The following UFSP2 variants were observed in gnomAD, a reference collection of about 807,000 sequenced individuals.
UFSP2 encodes ufm1-specific protease 2.
UFSP2 carries 43 observed loss-of-function variants against 60.2 expected under a neutral mutation model. The observed-to-expected ratio is 0.71, with a 90% confidence interval of 0.56 to 0.92. The LOEUF is 0.92. UFSP2 is among the 40% of genes least tolerant of loss of function. UFSP2 has a pLI of 0.00. For synonymous variants in UFSP2, 183 were observed against 195.1 expected (o/e 0.94, Z 0.52); for missense variants, 520 against 575.0 (o/e 0.90, Z 0.98).
chr4:185,415,456 G>T, intron 5 of UFSP2, 109 bp from the exon 6 acceptor site: 1 of 974,094 alleles, frequency 1.0e-6, no homozygotes, highest in Non-Finnish European at 1.4e-6. Flanking sequence ...ATTGGACCAG[G>T]TTTGCTAAAG....
chr4:185,403,548 C>G lies in UFSP2; in HGVS notation c.1269G>C (p.Leu423=), dbSNP rs2095515827. 1 of 1,614,110 alleles carries G rather than the reference C, an allele frequency of 6.2e-7. No homozygotes were observed. Among genetic ancestry groups the G allele is most frequent in the Non-Finnish European group, 8.5e-7 (1 of 1,180,018 alleles). ...WNEITGQIKF[L]ILDPHYTGAE... Reference sequence around the variant, plus strand: ...CACCGGTATAATGTGGATCTAGAATCAGAAACTTTATCTGCCCTGTAATCT... The same window carrying G: ...CACCGGTATAATGTGGATCTAGAATGAGAAACTTTATCTGCCCTGTAATCT... The change falls in exon 11 of 12, where the codon CTG becomes CTC. Residue 423 remains leucine, a synonymous_variant. Coordinates refer to ENST00000264689, the MANE Select transcript of UFSP2 (RefSeq NM_018359.5).
chr4:185,400,234 C>G lies in UFSP2; in HGVS notation c.*158G>C. Reference sequence around the variant, plus strand: ...GTCTTTTAAGTTATTAAAGGAACGTCTAAAAAATACATTCTCCGTGCAGTA... The same window carrying G: ...GTCTTTTAAGTTATTAAAGGAACGTGTAAAAAATACATTCTCCGTGCAGTA... On this transcript the variant is annotated 3_prime_UTR_variant, in exon 12 of 12. Transcript: ENST00000264689. 1 of 725,014 alleles carries G rather than the reference C, an allele frequency of 1.4e-6. No individual in the cohort carries two copies. Among genetic ancestry groups the G allele is most frequent in the Non-Finnish European group, 2.2e-6 (1 of 450,236 alleles). 44.9% of individuals were successfully genotyped at this position (725,014 alleles called of 1,614,324 possible).
intron 6 of UFSP2, among the ~76,000 whole-genome samples, 160 bp from the exon 7 acceptor site, chr4:185,414,032 T>C (rs1472165180): frequency 6.6e-6 from 1 of 152,188 alleles, no homozygotes; most frequent in Non-Finnish European, 1.5e-5. Flanking sequence ...TGGTGAAAAC[T>C]GAACTAAAAC....
Position 185,399,579 on chromosome 4 carries a change from TAAG to T in UFSP2, c.*810_*812del, listed in dbSNP as rs1424487628. 1.2e-6 allele frequency: 2 copies of T among 1,614,206 alleles called. No individual in the cohort carries two copies. Among genetic ancestry groups the T allele is most frequent in the Admixed American group, 1.7e-5 (1 of 60,020 alleles). ...TTTATCCTGTTTTCAGTTTATGTAATAAGAACGGGCAAACAGCTGAAGATCTCG... is the reference window on the plus strand; with the variant it reads ...TTTATCCTGTTTTCAGTTTATGTAATAACGGGCAAACAGCTGAAGATCTCG... On this transcript the variant is annotated 3_prime_UTR_variant, in exon 12 of 12. Transcript: ENST00000264689.
intron 2 of UFSP2, among the ~76,000 whole-genome samples, chr4:185,420,388 G>C (rs1017827390): frequency 1.3e-5 from 2 of 152,138 alleles, no homozygotes; most frequent in Non-Finnish European, 1.5e-5. Context: ...AGAAGATATA[G>C]TCAAAGAAGA....
At position 185,399,736 on chromosome 4, in the gene UFSP2, G is replaced by A. The variant is rs144479244; in HGVS notation, c.*656C>T. On this transcript the variant is annotated 3_prime_UTR_variant, in exon 12 of 12. Coordinates refer to ENST00000264689, the MANE Select transcript of UFSP2 (RefSeq NM_018359.5). ...CGTGCTCAGACAGAAACGGAGTCTC[G>A]GAAGTGTAGAAAATACCAGTGGGAA... 2,547 of 1,614,046 alleles carry A rather than the reference G, an allele frequency of 1.6e-3. 26 individuals carry two copies. In the South Asian group the frequency reaches 0.017, roughly 11 times the overall value.
In UFSP2 at chr4:185,418,671, T is replaced by C. The variant is rs1447721687; in HGVS notation, c.182A>G (p.Tyr61Cys). 8 of 1,613,942 alleles carry C rather than the reference T, an allele frequency of 5.0e-6. No individual in the cohort carries two copies. The African/African-American group carries it at 8.0e-5, about 16-fold the overall frequency. Residue 61 changes from tyrosine (Y) to cysteine (C), a missense_variant, in exon 3 of 12, where the codon TAT (tyrosine) becomes TGT (cysteine). Physicochemically the swap from Tyr to Cys is radical, Grantham distance 194. Transcript: ENST00000264689. ...GTTTATGTCACTGCTAGGCCATATA[T>C]ACACTGAACTGTGGCAAATTCTGAA... ...LVFRICHSSVYIWPSSDINTI... is the reference protein window; with the variant it reads ...LVFRICHSSVCIWPSSDINTI...
At chr4:185,402,913 A>G (rs1374814771) in intron 11 of UFSP2, among the ~76,000 whole-genome samples, 1 of 152,236 alleles carries the variant, frequency 6.6e-6, no homozygotes, top group Non-Finnish European at 1.5e-5. Flanking sequence ...GTTTTACAAT[A>G]CTTTCTCCTA....
At chr4:185,407,777 T>A (rs935780396) in intron 9 of UFSP2, among the ~76,000 whole-genome samples, 159 bp downstream of exon 9, 2 of 150,986 alleles carry the variant, frequency 1.3e-5, no homozygotes, top group Admixed American at 6.6e-5. Context: ...TGAAAAAAAA[T>A]TAAGATTAAA....
chr4:185,413,909 G>C (rs918559615), intron 6 of UFSP2, 37 bp from the exon 7 acceptor site: 9 of 1,546,600 alleles, frequency 5.8e-6, no homozygotes, highest in Admixed American at 2.1e-5. Context: ...AAGAAAAAAT[G>C]TTGGTGATTT....
chr4:185,413,635 TAATG>T (rs2153286284), intron 7 of UFSP2, 87 bp downstream of exon 7: 2 of 1,220,870 alleles, frequency 1.6e-6, no homozygotes, highest in East Asian at 2.5e-5. Flanking sequence ...AATGAATACA[TAATG>T]AATCAAGTCT....
In UFSP2 at chr4:185,400,205, CTTTGTCT is replaced by C. The variant is rs757608655; in HGVS notation, c.*180_*186del. 14 of 702,880 alleles carry C rather than the reference CTTTGTCT, an allele frequency of 2.0e-5. No individual in the cohort carries two copies. The highest frequency in any genetic ancestry group is 3.3e-5 in the Non-Finnish European group (14 of 429,828). 43.5% of individuals were successfully genotyped at this position (702,880 alleles called of 1,614,324 possible). A position where few individuals can be genotyped will look rare whatever the true frequency, so the allele number is the denominator to read the frequency against. On this transcript the variant is annotated 3_prime_UTR_variant, in exon 12 of 12. Transcript: ENST00000264689. ...GCCTATAATATGCTGGTTGTGTATG[CTTTGTCT>C]TTTAAGTTATTAAAGGAACGTCTAA...
At position 185,405,821 on chromosome 4, in the gene UFSP2, A is replaced by G; in HGVS notation, c.1157T>C (p.Leu386Pro). The change falls in exon 10 of 12, where the codon CTG (leucine) becomes CCG (proline). Residue 386 changes from leucine (L) to proline (P), a missense_variant. Leu to Pro is a moderately conservative substitution (Grantham distance 98). Transcript: ENST00000264689. The stretch of plus-strand genomic sequence containing the variant: ...TCCTTCACTTTGGAAATGATTAGCC[A>G]GTTCCCGTCCTTGAGAGGCAATTTC... ...GSEIASQGRE[L>P]ANHFQSEGTP... 1 of 1,614,138 alleles carries G rather than the reference A, an allele frequency of 6.2e-7. No homozygotes were observed. Among genetic ancestry groups the G allele is most frequent in the Non-Finnish European group, 8.5e-7 (1 of 1,180,006 alleles).
intron 9 of UFSP2, among the ~76,000 whole-genome samples, 169 bp downstream of exon 9, chr4:185,407,766 AT>A (rs772379541): frequency 5.3e-5 from 8 of 152,166 alleles, no homozygotes; most frequent in Non-Finnish European, 1.2e-4. Context: ...CCAAAAAAAA[AT>A]GAAAAAAAAT....
intron 4 of UFSP2, among the ~76,000 whole-genome samples, chr4:185,417,661 G>A (rs900432874): frequency 2.0e-5 from 3 of 152,056 alleles, no homozygotes; most frequent in Non-Finnish European, 2.9e-5. Context: ...ATACAACTTC[G>A]TGCCTTGAAG....
chr4:185,414,186 G>A (rs1385792324), intron 6 of UFSP2, among the ~76,000 whole-genome samples: 1 of 152,002 alleles, frequency 6.6e-6, no homozygotes, highest in African/African-American at 2.4e-5. Context: ...ATACATCCAG[G>A]CTAAAGACTG....
At chr4:185,402,435 A>G in intron 11 of UFSP2, 3 of 393,114 alleles carry the variant, frequency 7.6e-6, no homozygotes, top group South Asian at 5.7e-5. Flanking sequence ...TAAACAAAAG[A>G]CTTCAGTAAA....
At position 185,418,475 on chromosome 4, in the gene UFSP2, A is replaced by T; in HGVS notation, c.299T>A (p.Phe100Tyr). The stretch of plus-strand genomic sequence containing the variant: ...TAACTTTTTGTCCTTCTTTCTCATG[A>T]ATTTTCTTTTTATATCTTCTTCTGG... Reference protein sequence around the residue: ...FEPEEDIKRKFMRKKDKKLSD... With the variant: ...FEPEEDIKRKYMRKKDKKLSD... Residue 100 changes from phenylalanine (F) to tyrosine (Y), a missense_variant, in exon 4 of 12, where the codon TTC (phenylalanine) becomes TAC (tyrosine). Phe to Tyr is a conservative substitution (Grantham distance 22). Transcript: ENST00000264689. 1 of 1,611,496 alleles carries T rather than the reference A, an allele frequency of 6.2e-7. No homozygotes were observed. Among genetic ancestry groups the T allele is most frequent in the South Asian group, 1.1e-5 (1 of 90,922 alleles).
At chr4:185,401,115 C>T (rs1168250787) in intron 11 of UFSP2, among the ~76,000 whole-genome samples, 1 of 152,206 alleles carries the variant, frequency 6.6e-6, no homozygotes, top group Admixed American at 6.5e-5. Context: ...AATAACTGGT[C>T]TGTATTATAT....
Sources: allele counts gnomAD v4.1 joint callset (sites outside exome capture counted in the v4.1 genomes callset), GRCh38; gene constraint gnomAD v4.1.1; transcripts MANE v1.5; gene names NCBI Gene and HGNC (gene_info 2026-07-23, HGNC 2026-07-21).